EXD3: variants seen among roughly 807,000 people sequenced by gnomAD.
EXD3 encodes exonuclease 3'-5' domain containing 3, also known as exonuclease mut-7 homolog.
EXD3 carries 92 observed loss-of-function variants against 98.0 expected under a neutral mutation model. The ratio of observed to expected loss-of-function variants is 0.94; its 90% CI spans 0.79 to 1.12. The LOEUF (loss-of-function observed/expected upper bound fraction) is 1.12, where lower values mean the gene tolerates loss of function less well. EXD3 is among the 50% of genes most tolerant of loss of function. The probability of loss-of-function intolerance (pLI) is 0.00; values close to 1 mark genes in which losing one functional copy is unlikely to be tolerated. For synonymous variants in EXD3, 569 were observed against 526.0 expected (o/e 1.08, Z -1.12); for missense variants, 1,222 against 1,191.6 (o/e 1.03, Z -0.38).
intron 1 of EXD3, among the ~76,000 whole-genome samples, chr9:137,401,067 C>T (rs1192730164): frequency 6.6e-6 from 1 of 151,890 alleles, no homozygotes; most frequent in Admixed American, 6.6e-5. Flanking sequence ...ACCATTCTGG[C>T]ATCTGGATGA....
intron 2 of EXD3, chr9:137,392,325 T>C (rs2131752686): frequency 6.4e-6 from 1 of 155,068 alleles, no homozygotes; most frequent in African/African-American, 2.4e-5. Flanking sequence ...GGTGGCCATG[T>C]GGACTCTCCT....
At chr9:137,338,478 C>G (rs995767847) in intron 17 of EXD3, among the ~76,000 whole-genome samples, 4 of 151,870 alleles carry the variant, frequency 2.6e-5, no homozygotes, top group African/African-American at 9.7e-5. Flanking sequence ...CACTTGGAAA[C>G]AAACCCAAGA....
At chr9:137,390,613 G>A (rs1836855181) in intron 2 of EXD3, among the ~76,000 whole-genome samples, 1 of 152,196 alleles carries the variant, frequency 6.6e-6, no homozygotes, top group Non-Finnish European at 1.5e-5. Context: ...GCGTGGCCCG[G>A]TCACACAGTG....
At chr9:137,398,458 G>A (rs1204619297) in intron 1 of EXD3, among the ~76,000 whole-genome samples, 1 of 152,212 alleles carries the variant, frequency 6.6e-6, no homozygotes, top group East Asian at 1.9e-4. Flanking sequence ...AACCGCAAGG[G>A]AGGAGCACTG....
rs146534980 is a variant in EXD3 at position 137,375,303 on chromosome 9, G to A, written c.121-1704C>T. On this transcript the variant is annotated intron_variant, in intron 3 of 21. Coordinates refer to ENST00000340951, the MANE Select transcript of EXD3 (RefSeq NM_017820.5). ...ATTACAGGCGTGAGCCACCGCGCCC[G>A]GCCCTAACCCTAGTTTTAACCCTAG... Among the ~76,000 whole-genome samples the A allele has an allele frequency of 6.3e-3, 958 of 151,840 alleles. 16 individuals are homozygous for A. The highest frequency in any genetic ancestry group is 0.022 in the African/African-American group (892 of 41,408).
rs1050782617 is a variant in EXD3 at position 137,347,021 on chromosome 9, G to A, written c.1998+1050C>T. On this transcript the variant is annotated intron_variant, in intron 17 of 21. Coordinates refer to ENST00000340951, the MANE Select transcript of EXD3 (RefSeq NM_017820.5). This position sits in a 1 kb window ranked among gnomAD's most constrained non-coding sequence, Gnocchi z 4.2. ...AGGAGAGACAGGGTTTCACCATCTT[G>A]GCCAGGCTGGTCTTGAACCCCTGAC... is the stretch of plus-strand genomic sequence containing the variant. 2.0e-5 allele frequency among the ~76,000 whole-genome samples: 3 copies of A among 152,062 alleles called. No individual in the cohort carries two copies. Among genetic ancestry groups the A allele is most frequent in the Admixed American group, 2.0e-4 (3 of 15,260 alleles).
chr9:137,321,764 C>T (rs1479597381), intron 19 of EXD3, among the ~76,000 whole-genome samples: 1 of 152,190 alleles, frequency 6.6e-6, no homozygotes, highest in South Asian at 2.1e-4. Context: ...ATTGATGTGG[C>T]CCTAACTGCG....
intron 19 of EXD3, among the ~76,000 whole-genome samples, chr9:137,315,612 A>G (rs985782186): frequency 1.3e-5 from 2 of 151,742 alleles, no homozygotes; most frequent in African/African-American, 4.8e-5. Flanking sequence ...GTCAGCCCCC[A>G]CCCCGGGGGA....
chr9:137,354,163 G>A (rs896468028), intron 10 of EXD3, 176 bp downstream of exon 10: 3 of 1,422,764 alleles, frequency 2.1e-6, no homozygotes, highest in South Asian at 1.5e-5. Context: ...CAGGCCTCCC[G>A]GGCCTGAGGA....
intron 3 of EXD3, among the ~76,000 whole-genome samples, chr9:137,382,740 C>A (rs1836379570): frequency 6.6e-6 from 1 of 152,122 alleles, no homozygotes; most frequent in African/African-American, 2.4e-5. Flanking sequence ...GTCCCCCGGA[C>A]CTGCAGGAGC....
chr9:137,322,429 C>T (rs200961495), intron 19 of EXD3, among the ~76,000 whole-genome samples: 37 of 113,962 alleles, frequency 3.2e-4, no homozygotes, highest in South Asian at 1.8e-3. Context: ...GGATGCTCTG[C>T]CGACACCTCA....
chr9:137,367,682 G>T, intron 6 of EXD3: 1 of 454,032 alleles, frequency 2.2e-6, no homozygotes, highest in Non-Finnish European at 4.0e-6. Context: ...CCCAGCTGCT[G>T]CACGGAGCAC....
At chr9:137,408,642 G>A (rs938894506) in intron 1 of EXD3, among the ~76,000 whole-genome samples, 3 of 151,016 alleles carry the variant, frequency 2.0e-5, no homozygotes, top group South Asian at 2.1e-4. Context: ...CTCCAGGGAC[G>A]TCCAGCACAG....
At chr9:137,409,064 T>A (rs926993986) in intron 1 of EXD3, among the ~76,000 whole-genome samples, 19 of 152,370 alleles carry the variant, frequency 1.2e-4, no homozygotes, top group African/African-American at 4.6e-4. Context: ...ATCACCATGC[T>A]GCGGCGTTTC....
chr9:137,355,414 GGGAGGAA>G (rs1173605607), intron 8 of EXD3, among the ~76,000 whole-genome samples: 3 of 20,792 alleles, frequency 1.4e-4, no homozygotes, highest in Non-Finnish European at 3.6e-4. Context: ...CCCTGAGGCA[GGGAGGAA>G]GGAGGAAGGA....
intron 1 of EXD3, among the ~76,000 whole-genome samples, chr9:137,414,790 C>T (rs1221888769): frequency 1.3e-5 from 2 of 152,322 alleles, no homozygotes; most frequent in South Asian, 4.1e-4. Flanking sequence ...CCCACACCGC[C>T]ACTCCAGGGG....
rs1834338651 is a variant in EXD3, at chr9:137,352,108, G to A, written c.1131C>T (p.Ala377=). 2 of 1,612,698 alleles carry A rather than the reference G, an allele frequency of 1.2e-6. No homozygotes were observed. Among genetic ancestry groups the A allele is most frequent in the East Asian group, 4.5e-5 (2 of 44,878 alleles). ...CGTGTCTGGTCAGGTCTTCCCACGA[G>A]GCCAGGAGGTGGACGTTCTCCCTGG... is the stretch of plus-strand genomic sequence containing the variant. The part of the protein sequence containing the change: ...PIPRENVHLL[A]SWEDLTRHEG... Residue 377 remains alanine (A), a synonymous_variant, in exon 12 of 22, where the codon GCC becomes GCT. Transcript: ENST00000340951.
chr9:137,365,769 A>G (rs1835208870), intron 7 of EXD3: 5 of 322,500 alleles, frequency 1.6e-5, no homozygotes, highest in Admixed American at 8.7e-5. Context: ...CACACACCAC[A>G]TGCACGAAAA....
chr9:137,329,443 AG>A (rs1386931084), intron 17 of EXD3, among the ~76,000 whole-genome samples: 4 of 2,730 alleles, frequency 1.5e-3, no homozygotes, highest in Non-Finnish European at 2.2e-3. Flanking sequence ...GCTACACGGG[AG>A]CTACACGGGG....
Sources: gnomAD v4.1 joint callset for allele counts (sites outside exome capture counted in the v4.1 genomes callset) on GRCh38, gnomAD v4.1.1 for gene constraint, Gnocchi (gnomAD v3.1) non-coding constraint, MANE v1.5 for transcripts, NCBI Gene and HGNC (gene_info 2026-07-23, HGNC 2026-07-21) for gene names.